Variants in MESD observed in about 807,000 individuals in gnomAD.
The protein encoded by MESD is LRP chaperone MESD.
MESD carries 7 observed loss-of-function variants against 12.9 expected under a neutral mutation model. The ratio of observed to expected loss-of-function variants is 0.54; its 90% CI spans 0.31 to 1.02. MESD has a LOEUF of 1.02. Among genes scored for constraint, MESD ranks in the 50% least tolerant of loss-of-function variants. The pLI, the probability that MESD is intolerant of heterozygous loss-of-function variation, is 0.05. For missense variants in MESD, 342 were observed against 296.7 expected (o/e 1.15, Z -1.12); for synonymous variants, 126 against 115.6 (o/e 1.09, Z -0.58).
In MESD at chr15:80,978,921, G is replaced by C. The variant is rs1305863821; in HGVS notation, c.*298C>G. 2.3e-6 allele frequency: 1 copy of C among 427,452 alleles called. No individual in the cohort carries two copies. Among genetic ancestry groups the C allele is most frequent in the Non-Finnish European group, 4.2e-6 (1 of 238,018 alleles). The allele number at this position is 427,452 out of a possible 1,614,324, so 26.5% of individuals were successfully genotyped here. ...AGGGGAGTGGAATCTCAGTAGAGTT[G>C]ATGACTCACCAAGTGTAAATGGGAA... On this transcript the variant is annotated 3_prime_UTR_variant, in exon 3 of 3. Transcript: ENST00000261758.
At chr15:80,950,910 C>G (rs924051689) in intron 4 of MESD, 1 of 152,758 alleles carries the variant, frequency 6.5e-6, no homozygotes. Flanking sequence ...GCTCCCTCCA[C>G]CCAACTGCAC....
chr15:80,948,784 C>T lies in MESD; in HGVS notation c.*741G>A, dbSNP rs371037130. The T allele has an allele frequency of 3.7e-6, 6 of 1,613,966 alleles. No homozygotes were observed. The African/African-American group carries it at 8.0e-5, about 22-fold the overall frequency. ...TAGGGCTTTTGCTCAGGAGACTCATCATTGCTTTTCAGAGCAAATGGCATT... is the reference window on the plus strand; with the variant it reads ...TAGGGCTTTTGCTCAGGAGACTCATTATTGCTTTTCAGAGCAAATGGCATT... On this transcript the variant is annotated 3_prime_UTR_variant, in exon 5 of 5. Transcript: ENST00000561312.
chr15:80,980,022 C>G (rs1435681818), intron 2 of MESD, among the ~76,000 whole-genome samples: 1 of 152,204 alleles, frequency 6.6e-6, no homozygotes, highest in South Asian at 2.1e-4. Context: ...CGTCCACACT[C>G]GAAAGGTCCC....
At chr15:80,953,972 G>C (rs1901909832) in intron 3 of MESD, among the ~76,000 whole-genome samples, 1 of 152,088 alleles carries the variant, frequency 6.6e-6, no homozygotes, top group Non-Finnish European at 1.5e-5. Flanking sequence ...CTCCAATCTG[G>C]TCACCCATTC....
rs926439638 is a variant in MESD, at chr15:80,976,615, T to C, written c.*2604A>G. ...CCCAAGGCTGGCAAGGATAGATCTA[T>C]TGTTGGCAAGGGTAAGCTGACTAAA... is the stretch of plus-strand genomic sequence containing the variant. On this transcript the variant is annotated 3_prime_UTR_variant, in exon 3 of 3. Coordinates refer to ENST00000261758, the MANE Select transcript of MESD (RefSeq NM_015154.3). 6.6e-6 allele frequency: 1 copy of C among 152,202 alleles called. No individual in the cohort carries two copies. Among genetic ancestry groups the C allele is most frequent in the African/African-American group, 2.4e-5 (1 of 41,440 alleles). The allele number at this position is 152,202 out of a possible 1,614,324, so 9.4% of individuals were successfully genotyped here. A position where few individuals can be genotyped will look rare whatever the true frequency, so the allele number is the denominator to read the frequency against.
rs1033343195 is a variant in MESD, at chr15:80,977,407, A to G, written c.*1812T>C. The G allele has an allele frequency of 1.2e-4, 18 of 152,310 alleles. No homozygotes were observed. Among genetic ancestry groups the G allele is most frequent in the Non-Finnish European group, 2.3e-4 (16 of 68,098 alleles). 9.4% of individuals were successfully genotyped at this position (152,310 alleles called of 1,614,324 possible). Reference sequence around the variant, plus strand: ...CCTGGCACCTTGTAGTACCTAGTACATAACAGACACACAGAAACTACTGGG... The same window carrying G: ...CCTGGCACCTTGTAGTACCTAGTACGTAACAGACACACAGAAACTACTGGG... On this transcript the variant is annotated 3_prime_UTR_variant, in exon 3 of 3. Coordinates refer to ENST00000261758, the MANE Select transcript of MESD (RefSeq NM_015154.3).
intron 3 of MESD, chr15:80,970,422 G>C (rs563944813): frequency 2.0e-5 from 3 of 152,186 alleles, no homozygotes; most frequent in African/African-American, 7.2e-5. Context: ...CGCTGGCCTC[G>C]TGATCACTGG....
chr15:80,949,205 C>G (rs1901709914), intron 4 of MESD: 3 of 473,122 alleles, frequency 6.3e-6, no homozygotes, highest in Non-Finnish European at 1.2e-5. Flanking sequence ...TGTGCCTCTT[C>G]AGTGGGGGTT....
At chr15:80,954,531 C>G (rs1901924804) in intron 3 of MESD, among the ~76,000 whole-genome samples, 1 of 152,120 alleles carries the variant, frequency 6.6e-6, no homozygotes, top group Non-Finnish European at 1.5e-5. Context: ...AGGATCAAGT[C>G]CACAGGCACC....
chr15:80,965,642 T>C (rs1449710158), intron 3 of MESD, among the ~76,000 whole-genome samples: 1 of 152,222 alleles, frequency 6.6e-6, no homozygotes, highest in African/African-American at 2.4e-5. Context: ...GATGAGTTCA[T>C]GTTATTTGCA....
At chr15:80,982,239 G>T in intron 1 of MESD, 57 bp from the exon 2 acceptor site, 1 of 1,453,180 alleles carries the variant, frequency 6.9e-7, no homozygotes, top group Non-Finnish European at 9.6e-7. Flanking sequence ...TTTTCAACTG[G>T]CACAGGCAAA....
At chr15:80,958,145 T>C (rs1429681761) in intron 3 of MESD, among the ~76,000 whole-genome samples, 6 of 152,124 alleles carry the variant, frequency 3.9e-5, no homozygotes, top group Non-Finnish European at 8.8e-5. Context: ...TAGCAACAGC[T>C]TCAAATAGAA....
In MESD at chr15:80,978,173, C is replaced by T. The variant is rs1902470013; in HGVS notation, c.*1046G>A. ...AGAGGGATACACTTTTCACTTTGTA[C>T]CATTCTTTAACACTGACATTTTCTA... On this transcript the variant is annotated 3_prime_UTR_variant, in exon 3 of 3. Coordinates refer to ENST00000261758, the MANE Select transcript of MESD (RefSeq NM_015154.3). The T allele has an allele frequency of 6.6e-6, 1 of 152,140 alleles. No individual in the cohort carries two copies. Among genetic ancestry groups the T allele is most frequent in the Non-Finnish European group, 1.5e-5 (1 of 68,036 alleles). The allele number at this position is 152,140 out of a possible 1,614,324, so 9.4% of individuals were successfully genotyped here. A position where few individuals can be genotyped will look rare whatever the true frequency, so the allele number is the denominator to read the frequency against.
Position 80,982,273 on chromosome 15 carries a change from A to G in MESD, c.214-91T>C, listed in dbSNP as rs1047158306. 1.2e-4 allele frequency: 114 copies of G among 949,540 alleles called. No homozygotes were observed. The Admixed American group carries it at 2.3e-3, about 20-fold the overall frequency. The allele number at this position is 949,540 out of a possible 1,614,324, so 58.8% of individuals were successfully genotyped here. On this transcript the variant is annotated intron_variant, in intron 1 of 2. Transcript: ENST00000261758. ...AAAACTTCTGCATGATGTCAGGTGC[A>G]TGTATATGACTTAAATTACAACATA...
chr15:80,988,122 G>T (rs1902783869), intron 1 of MESD, among the ~76,000 whole-genome samples: 1 of 152,166 alleles, frequency 6.6e-6, no homozygotes, highest in South Asian at 2.1e-4. Context: ...TGGCAGTACA[G>T]GTAAAACAGT....
At chr15:80,981,036 G>C (rs1902560860) in intron 2 of MESD, among the ~76,000 whole-genome samples, 1 of 151,736 alleles carries the variant, frequency 6.6e-6, no homozygotes, top group African/African-American at 2.4e-5. Flanking sequence ...ACGTTGGCCA[G>C]GATGATCTTG....
intron 1 of MESD, among the ~76,000 whole-genome samples, chr15:80,989,333 G>C (rs892338575): frequency 7.2e-5 from 11 of 152,180 alleles, no homozygotes; most frequent in African/African-American, 2.7e-4. Context: ...TGATTGAAGT[G>C]GTTTGAGAAA....
At chr15:80,959,379 A>G (rs1249681173) in intron 3 of MESD, among the ~76,000 whole-genome samples, 4 of 152,192 alleles carry the variant, frequency 2.6e-5, no homozygotes, top group African/African-American at 9.6e-5. Flanking sequence ...CCACGAGTCA[A>G]GTGTACATTG....
chr15:80,959,336 A>G (rs1596225433), intron 3 of MESD, among the ~76,000 whole-genome samples: 1 of 152,010 alleles, frequency 6.6e-6, no homozygotes, highest in South Asian at 2.1e-4. Context: ...CAGTGCATTC[A>G]CTCCTTTTGG....
Sources: allele counts gnomAD v4.1 joint callset (sites outside exome capture counted in the v4.1 genomes callset), GRCh38; gene constraint gnomAD v4.1.1; transcripts MANE v1.5; gene names NCBI Gene and HGNC (gene_info 2026-07-23, HGNC 2026-07-21).